ARMH3: variants seen among roughly 807,000 people sequenced by gnomAD.
The protein encoded by ARMH3 is armadillo-like helical domain-containing protein 3.
ARMH3 carries 60 observed loss-of-function variants against 99.1 expected under a neutral mutation model. The observed-to-expected ratio is 0.61, with a 90% confidence interval of 0.49 to 0.75. The LOEUF (loss-of-function observed/expected upper bound fraction) is 0.75, where lower values mean the gene tolerates loss of function less well. ARMH3 is among the 30% of genes least tolerant of loss of function. The pLI is 0.00. For synonymous variants in ARMH3, 285 were observed against 292.8 expected, an observed-to-expected ratio of 0.97 and a Z score of 0.27; for missense variants, 679 against 843.1, an observed-to-expected ratio of 0.81 and a Z score of 2.41.
chr10:101,859,365 A>C (rs934518390), intron 24 of ARMH3, among the ~76,000 whole-genome samples: 3 of 152,266 alleles, frequency 2.0e-5, no homozygotes, highest in Admixed American at 6.5e-5. Context: ...GGAAGGACCA[A>C]CCATTAGCTT....
At chr10:102,020,716 T>C (rs1426789786) in intron 8 of ARMH3, among the ~76,000 whole-genome samples, 1 of 149,998 alleles carries the variant, frequency 6.7e-6, no homozygotes, top group East Asian at 2.0e-4. Flanking sequence ...AGCCGAGTAT[T>C]GTGGCAGGTG....
At chr10:101,952,853 T>G in intron 22 of ARMH3, 1 of 152,244 alleles carries the variant, frequency 6.6e-6, no homozygotes, top group East Asian at 1.9e-4. Context: ...CCCCTGGTAA[T>G]CATCATCCTA....
chr10:101,966,285 GTTTTTTTTTTTTTTT>G (rs34196495), intron 20 of ARMH3, among the ~76,000 whole-genome samples: 1 of 80,660 alleles, frequency 1.2e-5, no homozygotes, highest in Non-Finnish European at 2.2e-5. Flanking sequence ...TTTGGTTTGG[GTTTTTTTTTTTTTTT>G]TTTTTTTTTT....
chr10:101,892,945 G>T (rs576338813), intron 23 of ARMH3, among the ~76,000 whole-genome samples: 90 of 152,328 alleles, frequency 5.9e-4, no homozygotes, highest in African/African-American at 2.1e-3. Context: ...GATAATATCT[G>T]CAAGTTAAGG....
intron 2 of ARMH3, among the ~76,000 whole-genome samples, chr10:102,036,188 C>A (rs1590218071): frequency 7.3e-6 from 1 of 137,432 alleles, no homozygotes; most frequent in East Asian, 2.2e-4. Context: ...CCCGGCCAGC[C>A]GCCCCGTCCG....
At chr10:101,889,019 A>C (rs968567122) in intron 24 of ARMH3, among the ~76,000 whole-genome samples, 1 of 152,260 alleles carries the variant, frequency 6.6e-6, no homozygotes, top group Admixed American at 6.5e-5. Flanking sequence ...TTAACGAGCC[A>C]AATAGCTTCA....
intron 24 of ARMH3, among the ~76,000 whole-genome samples, chr10:101,879,386 GT>G (rs2067355103): frequency 7.0e-6 from 1 of 141,868 alleles, no homozygotes; most frequent in Non-Finnish European, 1.5e-5. Flanking sequence ...TTTCACTCTT[GT>G]TGCCCAGGCT....
chr10:101,870,053 A>G (rs1246251366), intron 24 of ARMH3, among the ~76,000 whole-genome samples: 1 of 152,194 alleles, frequency 6.6e-6, no homozygotes, highest in Non-Finnish European at 1.5e-5. Context: ...CAAAAGAAAA[A>G]TAACAGAAAA....
chr10:102,007,914 G>A (rs187869466), intron 13 of ARMH3, among the ~76,000 whole-genome samples: 19 of 151,430 alleles, frequency 1.3e-4, no homozygotes, highest in Non-Finnish European at 1.2e-4. Context: ...AAGTGTGTGT[G>A]CCTTCATTGG....
intron 23 of ARMH3, among the ~76,000 whole-genome samples, chr10:101,904,000 G>A (rs1231236186): frequency 6.6e-6 from 1 of 152,178 alleles, no homozygotes; most frequent in African/African-American, 2.4e-5. Flanking sequence ...GGAGTAGATG[G>A]ATCTCAGCTG....
Position 101,889,545 on chromosome 10 carries a change from T to C in ARMH3, c.1782-55A>G, listed in dbSNP as rs892985661. On this transcript the variant is annotated intron_variant, in intron 23 of 25. Coordinates refer to ENST00000370033, the MANE Select transcript of ARMH3 (RefSeq NM_024541.3). ...GCCAGATAGAAGAGGTGGATACATC[T>C]GTTAAAAAATAAGGATCAAGTACCC... is the stretch of plus-strand genomic sequence containing the variant. 5 of 1,481,230 alleles carry C rather than the reference T, an allele frequency of 3.4e-6. No homozygotes were observed. In the African/African-American group the frequency reaches 5.6e-5, roughly 16 times the overall value. 91.8% of individuals were successfully genotyped at this position (1,481,230 alleles called of 1,614,324 possible). A position where few individuals can be genotyped will look rare whatever the true frequency, so the allele number is the denominator to read the frequency against.
intron 23 of ARMH3, among the ~76,000 whole-genome samples, chr10:101,918,523 C>T (rs942489266): frequency 2.6e-5 from 4 of 152,150 alleles, no homozygotes. Flanking sequence ...CTTTCTTACC[C>T]CTAAAACAGA....
chr10:102,011,850 G>A, intron 10 of ARMH3, 67 bp from the exon 11 acceptor site: 1 of 1,305,120 alleles, frequency 7.7e-7, no homozygotes, highest in Admixed American at 1.9e-5. Flanking sequence ...CTTGACATTT[G>A]GGGTAATCAG....
chr10:102,003,000 T>TAAAA (rs1206863019), intron 14 of ARMH3, among the ~76,000 whole-genome samples: 40 of 140,468 alleles, frequency 2.8e-4, no homozygotes, highest in South Asian at 2.0e-3. Context: ...AATAAATAAA[T>TAAAA]AAAAACAGAT....
At chr10:101,982,701 C>A (rs1056686806) in intron 19 of ARMH3, among the ~76,000 whole-genome samples, 2 of 152,012 alleles carry the variant, frequency 1.3e-5, no homozygotes, top group Non-Finnish European at 2.9e-5. Flanking sequence ...GAGCACAAAC[C>A]CTATTGTGAA....
rs11358645 is a variant in ARMH3 at position 101,962,970 on chromosome 10, C to CTT, written c.1496-5240_1496-5239dup. On this transcript the variant is annotated intron_variant, in intron 20 of 25. Transcript: ENST00000370033. Reference sequence around the variant, plus strand: ...AAGCTCAGAGTACATGTCTTTTTTTCTTTTTTTTTTTTTTTTTGAGACAGA... The same window carrying CTT: ...AAGCTCAGAGTACATGTCTTTTTTTCTTTTTTTTTTTTTTTTTTTGAGACAGA... Among the ~76,000 whole-genome samples the CTT allele has an allele frequency of 2.1e-4, 28 of 131,762 alleles. No individual in the cohort carries two copies. In the East Asian group the frequency reaches 3.7e-3, roughly 17 times the overall value. The allele number at this position is 131,762 out of a possible 152,430, so 86.4% of individuals were successfully genotyped here.
chr10:102,021,527 T>A (rs553027569), intron 8 of ARMH3, among the ~76,000 whole-genome samples: 26 of 151,964 alleles, frequency 1.7e-4, no homozygotes, highest in African/African-American at 6.0e-4. Context: ...AGACTACAGA[T>A]GCATATCACC....
chr10:101,963,940 G>C (rs1845425401), intron 20 of ARMH3, among the ~76,000 whole-genome samples: 1 of 142,844 alleles, frequency 7.0e-6, no homozygotes, highest in Non-Finnish European at 1.5e-5. Context: ...GCAGTGGTGT[G>C]ATCTCGGCTC....
At position 102,025,143 on chromosome 10, in the gene ARMH3, A is replaced by G; in HGVS notation, c.507+13T>C. ...CTGTCAATTAATACCCTTGACAAAC[A>G]TAGGTCACTTACGGTCACTAAGCAA... On this transcript the variant is annotated intron_variant, in intron 6 of 25. Coordinates refer to ENST00000370033, the MANE Select transcript of ARMH3 (RefSeq NM_024541.3). 6.2e-7 allele frequency: 1 copy of G among 1,601,660 alleles called. No individual in the cohort carries two copies. Among genetic ancestry groups the G allele is most frequent in the Non-Finnish European group, 8.6e-7 (1 of 1,168,854 alleles).
Sources: allele counts gnomAD v4.1 joint callset (sites outside exome capture counted in the v4.1 genomes callset), GRCh38; gene constraint gnomAD v4.1.1; transcripts MANE v1.5; gene names NCBI Gene and HGNC (gene_info 2026-07-23, HGNC 2026-07-21).